The following CDH23 variants were observed in gnomAD, a reference collection of about 807,000 sequenced individuals.
The protein encoded by CDH23 is cadherin-23.
In CDH23, 189 loss-of-function variants were observed where a neutral mutation model predicts 317.1. The observed-to-expected ratio is 0.60, with a 90% CI of 0.53 to 0.67. The LOEUF (loss-of-function observed/expected upper bound fraction) is 0.67. Among genes scored for constraint, CDH23 ranks in the 30% least tolerant of loss-of-function variants. The pLI, the probability that CDH23 is intolerant of heterozygous loss-of-function variation, is 0.00. For missense variants in CDH23, 4,401 were observed against 4,592.4 expected (o/e 0.96, Z 1.20); for synonymous variants, 1,839 against 1,876.8 (o/e 0.98, Z 0.52).
chr10:71,593,224 G>A (rs1232889435), intron 9 of CDH23, among the ~76,000 whole-genome samples: 4 of 152,150 alleles, frequency 2.6e-5, no homozygotes, highest in African/African-American at 7.2e-5. Context: ...GCAAATCACC[G>A]AGGAAAGGAT....
At chr10:71,470,604 A>T (rs12777953) in intron 3 of CDH23, among the ~76,000 whole-genome samples, 16,792 of 151,178 alleles carry the variant, frequency 0.11, 1,298 homozygotes, top group Non-Finnish European at 0.18. Flanking sequence ...GTCCTTCCAT[A>T]TCAGCCTCCT....
At chr10:71,456,620 A>T (rs546582433) in intron 3 of CDH23, among the ~76,000 whole-genome samples, 1 of 152,320 alleles carries the variant, frequency 6.6e-6, no homozygotes, top group African/African-American at 2.4e-5. Flanking sequence ...GCATGCCATT[A>T]ATGCCAGGCA....
At chr10:71,754,944 C>T (rs1840095057) in intron 38 of CDH23, 1 of 393,714 alleles carries the variant, frequency 2.5e-6, no homozygotes. Flanking sequence ...AGACCCCTTC[C>T]ACTTCTGATA....
intron 3 of CDH23, among the ~76,000 whole-genome samples, chr10:71,474,668 C>T (rs1435443432): frequency 6.6e-6 from 1 of 152,190 alleles, no homozygotes; most frequent in Non-Finnish European, 1.5e-5. Context: ...TTGCCACGAT[C>T]GTTGCTTTTA....
intron 14 of CDH23, among the ~76,000 whole-genome samples, chr10:71,671,704 C>CT (rs1864155406): frequency 6.6e-6 from 1 of 152,082 alleles, no homozygotes; most frequent in South Asian, 2.1e-4. Context: ...TGGGTCCTCT[C>CT]TGGAGTCGGG....
chr10:71,792,845 AAAAAAAAATAT>A (rs1841295540), intron 47 of CDH23, among the ~76,000 whole-genome samples: 1 of 77,656 alleles, frequency 1.3e-5, no homozygotes, highest in East Asian at 5.0e-4. Flanking sequence ...AAAAAAAAAA[AAAAAAAAATAT>A]ATATATATAT....
chr10:71,701,763 A>T (rs1294718374), intron 22 of CDH23, among the ~76,000 whole-genome samples: 2 of 152,002 alleles, frequency 1.3e-5, no homozygotes, highest in Admixed American at 1.3e-4. Flanking sequence ...AGTCTCCAAA[A>T]TCCAGGGTTT....
chr10:71,608,273 C>T (rs1860648044), intron 9 of CDH23, among the ~76,000 whole-genome samples: 1 of 152,198 alleles, frequency 6.6e-6, no homozygotes, highest in Non-Finnish European at 1.5e-5. Flanking sequence ...AAGCAGATCC[C>T]AGTTCTGCTC....
chr10:71,400,533 C>G (rs374923624), intron 1 of CDH23, among the ~76,000 whole-genome samples: 1 of 152,210 alleles, frequency 6.6e-6, no homozygotes, highest in Admixed American at 6.5e-5. Context: ...GGTGCAGTGG[C>G]TCACACCTAT....
intron 3 of CDH23, chr10:71,508,439 C>T (rs1335891914): frequency 6.6e-6 from 1 of 152,162 alleles, no homozygotes; most frequent in Non-Finnish European, 1.5e-5. Flanking sequence ...CCTCATCACT[C>T]TTTGTTGCCT....
intron 6 of CDH23, among the ~76,000 whole-genome samples, chr10:71,544,913 T>C (rs1856188480): frequency 6.6e-6 from 1 of 152,186 alleles, no homozygotes; most frequent in Admixed American, 6.5e-5. Flanking sequence ...GATTTAGAGG[T>C]TGGAGGTGGT....
chr10:71,515,407 C>T (rs1468187897), intron 6 of CDH23, among the ~76,000 whole-genome samples: 4 of 151,716 alleles, frequency 2.6e-5, no homozygotes. Context: ...CACACACACA[C>T]ACACACACAC....
chr10:71,722,374 G>A (rs1316123739), intron 28 of CDH23, among the ~76,000 whole-genome samples: 1 of 152,218 alleles, frequency 6.6e-6, no homozygotes, highest in African/African-American at 2.4e-5. Flanking sequence ...AGGGAGCGAG[G>A]CACAGATGGG....
intron 9 of CDH23, among the ~76,000 whole-genome samples, chr10:71,606,582 A>G (rs902049687): frequency 4.6e-5 from 7 of 152,204 alleles, no homozygotes; most frequent in Admixed American, 3.9e-4. Flanking sequence ...CCTGCTAGGC[A>G]TCTGCTGGGC....
intron 38 of CDH23, among the ~76,000 whole-genome samples, chr10:71,771,570 A>T (rs573631876): frequency 6.6e-6 from 1 of 152,316 alleles, no homozygotes; most frequent in Non-Finnish European, 1.5e-5. Context: ...AATATCTATT[A>T]TAGTGTGTCC....
chr10:71,527,528 A>G (rs1415341117), intron 6 of CDH23, among the ~76,000 whole-genome samples: 2 of 152,198 alleles, frequency 1.3e-5, no homozygotes, highest in African/African-American at 4.8e-5. Flanking sequence ...CTGTCTGATC[A>G]TTCACTGGGC....
intron 3 of CDH23, among the ~76,000 whole-genome samples, chr10:71,467,533 T>C (rs1851311308): frequency 6.6e-6 from 1 of 152,070 alleles, no homozygotes; most frequent in South Asian, 2.1e-4. Flanking sequence ...CCTGTGAGGT[T>C]GGGTGGGAGG....
intron 38 of CDH23, among the ~76,000 whole-genome samples, chr10:71,745,945 T>G (rs72642240): frequency 0.086 from 13,046 of 152,312 alleles, 1,023 homozygotes; most frequent in East Asian, 0.38. Context: ...TGCAGTTATC[T>G]GCCTGGCTTC....
chr10:71,587,924 G>A (rs771458976), intron 9 of CDH23, among the ~76,000 whole-genome samples: 2 of 152,220 alleles, frequency 1.3e-5, no homozygotes, highest in African/African-American at 2.4e-5. Context: ...AGCATAAGGC[G>A]CTGTCTTAGG....
Sources: gnomAD v4.1 joint callset for allele counts (sites outside exome capture counted in the v4.1 genomes callset) on GRCh38, gnomAD v4.1.1 for gene constraint, MANE v1.5 for transcripts, NCBI Gene and HGNC (gene_info 2026-07-23, HGNC 2026-07-21) for gene names.